Variants in RUNX1 observed in about 807,000 individuals in gnomAD.
The protein encoded by RUNX1 is runt-related transcription factor 1.
RUNX1 carries 19 observed loss-of-function variants against 42.8 expected under a neutral mutation model. The observed-to-expected ratio is 0.44, with a 90% CI of 0.31 to 0.65. RUNX1 has a LOEUF of 0.65. Among genes scored for constraint, RUNX1 ranks in the 30% least tolerant of loss-of-function variants. The probability of loss-of-function intolerance (pLI) is 0.07; values close to 1 mark genes in which losing one functional copy is unlikely to be tolerated. For missense variants in RUNX1, 528 were observed against 672.0 expected (o/e 0.79, Z 2.37); for synonymous variants, 271 against 289.4 (o/e 0.94, Z 0.64).
intron 2 of RUNX1, among the ~76,000 whole-genome samples, chr21:35,036,441 A>C (rs1446407865): frequency 6.6e-6 from 1 of 152,166 alleles, no homozygotes; most frequent in Non-Finnish European, 1.5e-5. Flanking sequence ...GCGGGGAGAA[A>C]GTCATTTATG....
intron 7 of RUNX1, among the ~76,000 whole-genome samples, chr21:34,802,917 A>G (rs1213480206): frequency 6.6e-6 from 1 of 152,232 alleles, no homozygotes; most frequent in Non-Finnish European, 1.5e-5. Context: ...GATAAACTAT[A>G]TGGAAAGCAA....
At chr21:35,040,069 G>T (rs2059346336) in intron 2 of RUNX1, among the ~76,000 whole-genome samples, 1 of 152,164 alleles carries the variant, frequency 6.6e-6, no homozygotes, top group South Asian at 2.1e-4. Flanking sequence ...ACCCACTCTT[G>T]CATGGGTTTT....
At chr21:34,822,855 C>G (rs2056928704) in intron 7 of RUNX1, among the ~76,000 whole-genome samples, 1 of 152,200 alleles carries the variant, frequency 6.6e-6, no homozygotes, top group African/African-American at 2.4e-5. Context: ...ATCAAACCAC[C>G]ATGTTCGTGT....
intron 7 of RUNX1, among the ~76,000 whole-genome samples, chr21:34,824,550 AATTG>A (rs2056960912): frequency 6.6e-6 from 1 of 152,170 alleles, no homozygotes; most frequent in African/African-American, 2.4e-5. Context: ...TCTCCATAAC[AATTG>A]GGCTATTCTA....
intron 2 of RUNX1, among the ~76,000 whole-genome samples, chr21:34,927,855 C>T (rs527571296): frequency 4.8e-4 from 73 of 152,296 alleles, no homozygotes; most frequent in African/African-American, 1.5e-3. Context: ...GATGGACCAG[C>T]GAGTTAGCTC....
chr21:34,850,367 C>T (rs986042586), intron 6 of RUNX1, among the ~76,000 whole-genome samples: 1 of 152,234 alleles, frequency 6.6e-6, no homozygotes, highest in African/African-American at 2.4e-5. Flanking sequence ...ATTTAGGAAA[C>T]TCAGTGGGTG....
intron 2 of RUNX1, among the ~76,000 whole-genome samples, chr21:34,933,281 C>A (rs1345064362): frequency 6.6e-6 from 1 of 152,306 alleles, no homozygotes; most frequent in East Asian, 1.9e-4. Context: ...TGAGATGCGT[C>A]CTTGTTACAT....
At chr21:34,880,227 T>C (rs1369212697) in intron 5 of RUNX1, among the ~76,000 whole-genome samples, 1 of 152,224 alleles carries the variant, frequency 6.6e-6, no homozygotes, top group Non-Finnish European at 1.5e-5. Flanking sequence ...AGAATCCTCA[T>C]TGTAATTGTA....
intron 2 of RUNX1, among the ~76,000 whole-genome samples, chr21:34,962,585 T>TC (rs1051619472): frequency 1.8e-4 from 27 of 152,158 alleles, no homozygotes; most frequent in African/African-American, 6.5e-4. Context: ...TTGTGTGTTT[T>TC]TTCTTTACCA....
chr21:35,022,404 C>G (rs1029440140), intron 2 of RUNX1, among the ~76,000 whole-genome samples: 1 of 152,202 alleles, frequency 6.6e-6, no homozygotes, highest in African/African-American at 2.4e-5. Context: ...ATCTCCTATC[C>G]CTAAACCAGC....
At chr21:34,929,551 G>T (rs915543835) in intron 2 of RUNX1, among the ~76,000 whole-genome samples, 1 of 152,122 alleles carries the variant, frequency 6.6e-6, no homozygotes, top group African/African-American at 2.4e-5. Flanking sequence ...AAGATGCCCA[G>T]ATCAATACCT....
intron 6 of RUNX1, among the ~76,000 whole-genome samples, chr21:34,844,721 T>G (rs973247105): frequency 1.3e-5 from 2 of 152,224 alleles, no homozygotes; most frequent in African/African-American, 4.8e-5. Context: ...AATTCCCTCC[T>G]ATTTCTAAAA....
At chr21:35,017,773 T>A (rs2059170013) in intron 2 of RUNX1, among the ~76,000 whole-genome samples, 1 of 152,096 alleles carries the variant, frequency 6.6e-6, no homozygotes, top group South Asian at 2.1e-4. Flanking sequence ...ATCATAGCCG[T>A]CTTCAGGAAA....
chr21:34,819,286 G>A (rs1227916554), intron 7 of RUNX1, among the ~76,000 whole-genome samples: 1 of 152,252 alleles, frequency 6.6e-6, no homozygotes, highest in African/African-American at 2.4e-5. Context: ...GCTGAGGCAA[G>A]CCCAGAGCTC....
At chr21:34,885,231 C>T (rs1454691771) in intron 4 of RUNX1, among the ~76,000 whole-genome samples, 1 of 152,092 alleles carries the variant, frequency 6.6e-6, no homozygotes, top group Non-Finnish European at 1.5e-5. Flanking sequence ...TTTTAATGGC[C>T]TTTGGTGGTT....
chr21:34,826,434 CTTTTTTTTTTTT>C (rs772880673), intron 7 of RUNX1, among the ~76,000 whole-genome samples: 3 of 105,366 alleles, frequency 2.8e-5, no homozygotes, highest in East Asian at 2.9e-4. Flanking sequence ...TTCTTTCTTT[CTTTTTTTTTTTT>C]TTTTTTTTTG....
At chr21:34,979,301 C>T (rs1321189057) in intron 2 of RUNX1, among the ~76,000 whole-genome samples, 3 of 151,194 alleles carry the variant, frequency 2.0e-5, no homozygotes, top group Admixed American at 2.0e-4. Flanking sequence ...ATAAGTCTTT[C>T]TTATAAGTCA....
intron 8 of RUNX1, among the ~76,000 whole-genome samples, chr21:34,795,712 G>A (rs983764111): frequency 3.9e-5 from 6 of 152,272 alleles, no homozygotes; most frequent in African/African-American, 1.2e-4. Flanking sequence ...ATCCCTGCCC[G>A]CTCTTTGGGG....
At chr21:35,006,497 G>T (rs2059085932) in intron 2 of RUNX1, among the ~76,000 whole-genome samples, 1 of 152,078 alleles carries the variant, frequency 6.6e-6, no homozygotes, top group South Asian at 2.1e-4. Context: ...TAAGGGCCTG[G>T]GAACGAGCCT....
Sources: gnomAD v4.1 joint callset for allele counts (sites outside exome capture counted in the v4.1 genomes callset) on GRCh38, gnomAD v4.1.1 for gene constraint, MANE v1.5 for transcripts, NCBI Gene and HGNC (gene_info 2026-07-23, HGNC 2026-07-21) for gene names.